KLHL5: variants seen among roughly 807,000 people sequenced by gnomAD.
The protein encoded by KLHL5 is kelch-like protein 5.
Under a neutral mutation model 77.7 loss-of-function variants are expected in KLHL5, and 48 were observed. The observed-to-expected ratio is 0.62, with a 90% confidence interval of 0.49 to 0.79. The LOEUF is 0.79. Among genes scored for constraint, KLHL5 ranks in the 30% least tolerant of loss-of-function variants. KLHL5 has a pLI of 0.00. For synonymous variants in KLHL5, 260 were observed against 297.0 expected, an observed-to-expected ratio of 0.88 and a Z score of 1.28; for missense variants, 723 against 859.7, an observed-to-expected ratio of 0.84 and a Z score of 1.99.
At chr4:39,069,220 C>A (rs1157765342) in intron 1 of KLHL5, among the ~76,000 whole-genome samples, 1 of 151,968 alleles carries the variant, frequency 6.6e-6, no homozygotes, top group African/African-American at 2.4e-5. Context: ...ATTCATTGGT[C>A]ACATGGCCAC....
In KLHL5 at chr4:39,082,159, G is replaced by T; in HGVS notation, c.900G>T (p.Met300Ile). 1 of 1,573,122 alleles carries T rather than the reference G, an allele frequency of 6.4e-7. No homozygotes were observed. Residue 300 changes from methionine (M) to isoleucine (I), a missense_variant and splice_region_variant, in exon 4 of 11, where the codon ATG becomes ATT. Met to Ile is a conservative substitution (Grantham distance 10). Around this residue, in one of 3 missense-constraint regions of KLHL5, gnomAD observed 288 missense variants for 400.3 expected, o/e 0.72. Coordinates refer to ENST00000504108, the MANE Select transcript of KLHL5 (RefSeq NM_015990.5). Reference sequence around the variant, plus strand: ...ATAAAGTGGCTCACAATTATACTATGGTATGTATTTTTTGAAGGTGAGAAA... The same window carrying T: ...ATAAAGTGGCTCACAATTATACTATTGTATGTATTTTTTGAAGGTGAGAAA... Reference protein sequence around the residue: ...DLHKVAHNYTMEHFMEVIRNQ... With the variant: ...DLHKVAHNYTIEHFMEVIRNQ...
chr4:39,086,723 C>T lies in KLHL5; in HGVS notation c.1109C>T (p.Pro370Leu). 6.2e-7 allele frequency: 1 copy of T among 1,609,402 alleles called. No individual in the cohort carries two copies. Among genetic ancestry groups the T allele is most frequent in the Non-Finnish European group, 8.5e-7 (1 of 1,175,948 alleles). Residue 370 changes from proline to leucine, a missense_variant, in exon 5 of 11, where the codon CCA (proline) becomes CTA (leucine). Transcript: ENST00000504108. ...LAYIRLPLLAPQFLADMENNV... is the reference protein window; with the variant it reads ...LAYIRLPLLALQFLADMENNV... ...TATATTAGGCTACCTCTTCTTGCAC[C>T]ACAGGTAATTAATAGGCACTTGTTT...
chr4:39,140,879 G>A, the KLHL5 span, among the ~76,000 whole-genome samples: 1 of 152,212 alleles, frequency 6.6e-6, no homozygotes, highest in African/African-American at 2.4e-5. Flanking sequence ...TGTTCCTTTT[G>A]GGGAATTCTT....
chr4:39,076,085 G>A lies in KLHL5; in HGVS notation c.504G>A (p.Leu168=), dbSNP rs1560416612. Reference sequence around the variant, plus strand: ...CATTTAAAAAAATGGAAAACTATTTGAGACATAAACAGTTGTGTGATGTAA... The same window carrying A: ...CATTTAAAAAAATGGAAAACTATTTAAGACATAAACAGTTGTGTGATGTAA... The part of the protein sequence containing the change: ...EQTFKKMENY[L]RHKQLCDVIL... Residue 168 remains leucine, a synonymous_variant, in exon 2 of 11, where the codon TTG becomes TTA. Transcript: ENST00000504108. The A allele has an allele frequency of 6.2e-7, 1 of 1,607,740 alleles. No individual in the cohort carries two copies. The highest frequency in any genetic ancestry group is 1.7e-4 in the Middle Eastern group (1 of 6,028).
intron 5 of KLHL5, among the ~76,000 whole-genome samples, chr4:39,090,876 C>T (rs1442465554): frequency 1.3e-5 from 2 of 152,022 alleles, no homozygotes; most frequent in African/African-American, 4.8e-5. Flanking sequence ...GATCATGGCT[C>T]ACTGCAGCCT....
chr4:39,093,336 G>A (rs1332762583), intron 5 of KLHL5: 1 of 451,742 alleles, frequency 2.2e-6, no homozygotes, highest in African/African-American at 2.0e-5. Context: ...GCTTGGGAGA[G>A]AAGATGGGAA....
intron 2 of KLHL5, among the ~76,000 whole-genome samples, chr4:39,077,076 A>G (rs1719125336): frequency 7.4e-6 from 1 of 134,806 alleles, no homozygotes; most frequent in African/African-American, 3.3e-5. Flanking sequence ...AATAAATCAG[A>G]AAAAAAAAAA....
At chr4:39,071,246 T>C (rs1171919392) in intron 1 of KLHL5, among the ~76,000 whole-genome samples, 1 of 152,152 alleles carries the variant, frequency 6.6e-6, no homozygotes, top group Admixed American at 6.5e-5. Flanking sequence ...ATTCATAATA[T>C]AGTAAGCACA....
At position 39,096,745 on chromosome 4, in the gene KLHL5, G is replaced by C; in HGVS notation, c.1167G>C (p.Gln389His). The part of the protein sequence containing the change: ...NVLFRDDIEC[Q>H]KLIMEAMKYH... ...TTTTTCGGGATGATATAGAATGTCA[G>C]AAACTCATTATGGAAGCAATGAAGT... The change falls in exon 6 of 11, where the codon CAG becomes CAC. Residue 389 changes from glutamine (Q) to histidine (H), a missense_variant. Around this residue, in one of 3 missense-constraint regions of KLHL5, gnomAD observed 288 missense variants for 400.3 expected, o/e 0.72. Transcript: ENST00000504108. The C allele has an allele frequency of 6.2e-7, 1 of 1,613,400 alleles. No homozygotes were observed. The highest frequency in any genetic ancestry group is 1.1e-5 in the South Asian group (1 of 91,070).
chr4:39,092,000 T>A (rs543060002), intron 5 of KLHL5, among the ~76,000 whole-genome samples: 1 of 152,184 alleles, frequency 6.6e-6, no homozygotes, highest in East Asian at 1.9e-4. Flanking sequence ...AACATTTTTT[T>A]AACATCTATA....
intron 1 of KLHL5, among the ~76,000 whole-genome samples, chr4:39,046,418 G>C (rs1470006599): frequency 6.6e-6 from 1 of 152,048 alleles, no homozygotes; most frequent in East Asian, 1.9e-4. Flanking sequence ...GGCTTCCTGG[G>C]AGCTAGGTAA....
Position 39,070,184 on chromosome 4 carries a change from T to C in KLHL5, c.384-5781T>C, listed in dbSNP as rs149792507. Among the ~76,000 whole-genome samples, 22 of 152,290 alleles carry C rather than the reference T, an allele frequency of 1.4e-4. No homozygotes were observed. In the East Asian group the frequency reaches 4.1e-3, roughly 28 times the overall value. On this transcript the variant is annotated intron_variant, in intron 1 of 10. Coordinates refer to ENST00000504108, the MANE Select transcript of KLHL5 (RefSeq NM_015990.5). Reference sequence around the variant, plus strand: ...GTTATTGCCAGGAGCTACAATACTCTTATTGGCCAGGCCTCATTGGCTTCT... The same window carrying C: ...GTTATTGCCAGGAGCTACAATACTCCTATTGGCCAGGCCTCATTGGCTTCT...
chr4:39,131,018 T>TA (rs940712589), downstream of KLHL5, among the ~76,000 whole-genome samples: 32 of 10,302 alleles, frequency 3.1e-3, 1 homozygote, highest in East Asian at 0.14. Context: ...AATTTTTGTA[T>TA]TTTTTTTTTT....
In KLHL5 at chr4:39,062,704, TG is replaced by T; in HGVS notation, c.54del (p.Trp18Ter). On this transcript the variant is annotated frameshift_variant, in exon 1 of 11. Coordinates refer to ENST00000504108, the MANE Select transcript of KLHL5 (RefSeq NM_015990.5). LOFTEE classifies it high-confidence loss of function. ...FDVKQILKIR[W>X]RWFGHQASSP... is the part of the protein sequence containing the mutation. Reference sequence around the variant, plus strand: ...TGTGAAACAGATTTTGAAAATCAGATGGAGGTGGTTTGGTCATCAAGCATCA... The same window carrying T: ...TGTGAAACAGATTTTGAAAATCAGATGAGGTGGTTTGGTCATCAAGCATCA... 6.2e-7 allele frequency: 1 copy of T among 1,614,124 alleles called. No individual in the cohort carries two copies. The highest frequency in any genetic ancestry group is 1.1e-5 in the South Asian group (1 of 91,078).
intron 5 of KLHL5, chr4:39,093,353 TCAA>T (rs965344200): frequency 7.3e-5 from 33 of 453,842 alleles, no homozygotes; most frequent in Middle Eastern, 6.5e-4. Context: ...GGAATGAGGA[TCAA>T]CAGTAAATGG....
chr4:39,061,823 T>C (rs1717437315), upstream of KLHL5, among the ~76,000 whole-genome samples: 1 of 152,188 alleles, frequency 6.6e-6, no homozygotes. Context: ...TGAAAAAGAG[T>C]ATTTGTTACA....
chr4:39,060,143 T>C (rs1717289868), upstream of KLHL5, among the ~76,000 whole-genome samples: 1 of 152,168 alleles, frequency 6.6e-6, no homozygotes, highest in Non-Finnish European at 1.5e-5. Flanking sequence ...TTTCCATGTA[T>C]ATATAAAATT....
intron 5 of KLHL5, among the ~76,000 whole-genome samples, chr4:39,091,244 C>G (rs1216479140): frequency 6.6e-6 from 1 of 151,586 alleles, no homozygotes; most frequent in Non-Finnish European, 1.5e-5. Flanking sequence ...CCACTTCGGT[C>G]TCCCAAAGTG....
rs762154570 is a variant in KLHL5, at chr4:39,062,486, T to C, written c.-167T>C. 1.4e-5 allele frequency: 22 copies of C among 1,585,174 alleles called. No individual in the cohort carries two copies. In the East Asian group the frequency reaches 3.8e-4, roughly 27 times the overall value. On this transcript the variant is annotated 5_prime_UTR_variant, in exon 1 of 11. Transcript: ENST00000504108. Reference sequence around the variant, plus strand: ...CCTTTGTTCTTTAAAATCTGATATATTGGCATAAAAGTAATTGTAGATATA... The same window carrying C: ...CCTTTGTTCTTTAAAATCTGATATACTGGCATAAAAGTAATTGTAGATATA...
Sources: gnomAD v4.1 joint callset for allele counts (sites outside exome capture counted in the v4.1 genomes callset) on GRCh38, gnomAD v4.1.1 for gene constraint, gnomAD v4.1.1 regional missense constraint, MANE v1.5 for transcripts, NCBI Gene and HGNC (gene_info 2026-07-23, HGNC 2026-07-21) for gene names.